Variants in PDZD2 observed in about 807,000 individuals in gnomAD.
The protein encoded by PDZD2 is PDZ domain containing 2, also known as PDZ domain-containing protein 2.
In PDZD2, 90 loss-of-function variants were observed where a neutral mutation model predicts 220.7. That is an observed-to-expected ratio of 0.41 (90% CI 0.34 to 0.49). The LOEUF is 0.49. Among genes scored for constraint, PDZD2 ranks in the 20% least tolerant of loss-of-function variants. The probability of loss-of-function intolerance (pLI) is 0.28; values close to 1 mark genes in which losing one functional copy is unlikely to be tolerated. For synonymous variants in PDZD2, 1,375 were observed against 1,450.5 expected (o/e 0.95, Z 1.18); for missense variants, 3,174 against 3,608.5 (o/e 0.88, Z 3.08).
At chr5:31,862,737 T>G (rs1352602574) in intron 2 of PDZD2, among the ~76,000 whole-genome samples, 1 of 151,882 alleles carries the variant, frequency 6.6e-6, no homozygotes, top group African/African-American at 2.4e-5. Context: ...ATTTTTATAT[T>G]TTTTTTCCAA....
chr5:32,066,077 T>A (rs890555456), intron 14 of PDZD2, among the ~76,000 whole-genome samples: 1 of 151,782 alleles, frequency 6.6e-6, no homozygotes, highest in African/African-American at 2.4e-5. Flanking sequence ...GCGCAGTAGC[T>A]CACATGTGTA....
At chr5:32,014,934 T>G (rs115638992) in intron 6 of PDZD2, among the ~76,000 whole-genome samples, 3,357 of 97,586 alleles carry the variant, frequency 0.034, 53 homozygotes, top group Admixed American at 0.046. Context: ...AGTCTCAATC[T>G]CTCTCTTTTT....
intron 2 of PDZD2, among the ~76,000 whole-genome samples, chr5:31,827,761 A>C (rs1451713690): frequency 6.6e-6 from 1 of 152,166 alleles, no homozygotes; most frequent in Non-Finnish European, 1.5e-5. Flanking sequence ...CACCTACTAT[A>C]AAATTTATCC....
chr5:31,769,762 C>T (rs543563120), intron 1 of PDZD2, among the ~76,000 whole-genome samples: 1 of 152,294 alleles, frequency 6.6e-6, no homozygotes, highest in African/African-American at 2.4e-5. Flanking sequence ...TCTAGAGTTA[C>T]AGGACTTGGG....
intron 1 of PDZD2, among the ~76,000 whole-genome samples, chr5:31,702,124 C>T (rs1186651396): frequency 6.6e-6 from 1 of 152,226 alleles, no homozygotes; most frequent in Non-Finnish European, 1.5e-5. Flanking sequence ...ATTTGTTCTT[C>T]ATATTTACTT....
chr5:31,778,653 G>A (rs1037180704), intron 1 of PDZD2, among the ~76,000 whole-genome samples: 4 of 152,266 alleles, frequency 2.6e-5, no homozygotes, highest in Admixed American at 2.6e-4. Flanking sequence ...AACAAATTCC[G>A]GACATACCGT....
chr5:31,845,072 GAGA>G (rs939899052), intron 2 of PDZD2, among the ~76,000 whole-genome samples: 103 of 152,084 alleles, frequency 6.8e-4, no homozygotes, highest in African/African-American at 2.4e-3. Context: ...AATGGGAGAT[GAGA>G]AGAATTCTTT....
intron 2 of PDZD2, among the ~76,000 whole-genome samples, chr5:31,846,187 G>T (rs1003960479): frequency 6.6e-6 from 1 of 152,218 alleles, no homozygotes; most frequent in South Asian, 2.1e-4. Flanking sequence ...AGGCTTGAGT[G>T]CAGTGGCGCA....
intron 2 of PDZD2, among the ~76,000 whole-genome samples, chr5:31,814,942 C>T (rs1056884948): frequency 6.6e-6 from 1 of 151,902 alleles, no homozygotes; most frequent in Non-Finnish European, 1.5e-5. Flanking sequence ...TAGCAGGCTT[C>T]GGAGAGAATA....
intron 24 of PDZD2, among the ~76,000 whole-genome samples, chr5:32,102,578 A>C (rs895643185): frequency 2.0e-5 from 3 of 151,988 alleles, no homozygotes; most frequent in Admixed American, 2.0e-4. Context: ...TTGACAGAGC[A>C]GCAGAAGGAG....
intron 2 of PDZD2, among the ~76,000 whole-genome samples, chr5:31,864,935 G>A (rs1225771851): frequency 1.6e-5 from 2 of 123,688 alleles, no homozygotes; most frequent in South Asian, 5.5e-4. Context: ...TTCAAGCTCC[G>A]CCTCCTGGGT....
At chr5:31,916,705 T>G (rs1280581905) in intron 2 of PDZD2, among the ~76,000 whole-genome samples, 1 of 152,186 alleles carries the variant, frequency 6.6e-6, no homozygotes, top group Admixed American at 6.5e-5. Context: ...GGAGGCCTTG[T>G]GCTCTGCATA....
intron 19 of PDZD2, 96 bp downstream of exon 19, chr5:32,077,702 A>G: frequency 7.7e-7 from 1 of 1,293,410 alleles, no homozygotes; most frequent in Non-Finnish European, 1.1e-6. Context: ...TACACCTGTA[A>G]TCCCAGCACT....
rs944042486 is a variant in PDZD2 at position 32,062,153 on chromosome 5, C to G, written c.2451+1019C>G. 4.7e-4 allele frequency among the ~76,000 whole-genome samples: 71 copies of G among 152,080 alleles called. 1 individual carries two copies. The highest frequency in any genetic ancestry group is 1.6e-4 in the Non-Finnish European group (11 of 68,018). On this transcript the variant is annotated intron_variant, in intron 14 of 24. Transcript: ENST00000438447. ...ATTTAACTGTTGAGTCAGAAAAATA[C>G]CTGTTTATCTTATCAAATGATTATC...
At chr5:31,909,776 A>G (rs994404830) in intron 2 of PDZD2, among the ~76,000 whole-genome samples, 4 of 152,226 alleles carry the variant, frequency 2.6e-5, no homozygotes, top group Non-Finnish European at 5.9e-5. Flanking sequence ...TAGTTTATGA[A>G]GCAAATTTAT....
At chr5:32,070,907 G>A (rs371239758) in intron 15 of PDZD2, among the ~76,000 whole-genome samples, 1 of 64,918 alleles carries the variant, frequency 1.5e-5, no homozygotes, top group African/African-American at 1.1e-4. Flanking sequence ...AGACAGGAGA[G>A]GTTTCAGTGA....
intron 2 of PDZD2, among the ~76,000 whole-genome samples, chr5:31,891,008 C>T (rs570301116): frequency 6.6e-6 from 1 of 152,320 alleles, no homozygotes; most frequent in South Asian, 2.1e-4. Flanking sequence ...CCTTGCCGCA[C>T]CGTATCAACC....
rs141109900 is a variant in PDZD2, at chr5:31,791,176, C to A, written c.-360-7713C>A. Among the ~76,000 whole-genome samples, 625 of 152,234 alleles carry A rather than the reference C, an allele frequency of 4.1e-3. 5 individuals are homozygous for A. Among genetic ancestry groups the A allele is most frequent in the African/African-American group, 0.014 (564 of 41,530 alleles). ...ACCCTGCAAGGGTCCATAATGTGGG[C>A]TTCCCAGGCAATTTAGATTGCAGAC... On this transcript the variant is annotated intron_variant, in intron 1 of 24. Transcript: ENST00000438447.
chr5:32,015,818 G>GTGA (rs35635154), intron 6 of PDZD2, among the ~76,000 whole-genome samples: 66,273 of 151,752 alleles, frequency 0.44, 15,760 homozygotes, highest in African/African-American at 0.63. Context: ...TACTTATTAA[G>GTGA]TTGGAGCCTG....
Sources: allele counts gnomAD v4.1 joint callset (sites outside exome capture counted in the v4.1 genomes callset), GRCh38; gene constraint gnomAD v4.1.1; transcripts MANE v1.5; gene names NCBI Gene and HGNC (gene_info 2026-07-23, HGNC 2026-07-21).